The following CFAP58 variants were observed in gnomAD, a reference collection of about 807,000 sequenced individuals.
CFAP58 encodes cilia- and flagella-associated protein 58.
Under a neutral mutation model 119.5 loss-of-function variants are expected in CFAP58, and 88 were observed. The observed-to-expected ratio is 0.74, with a 90% CI of 0.62 to 0.88. CFAP58 has a LOEUF of 0.88. Among genes scored for constraint, CFAP58 ranks in the 40% least tolerant of loss-of-function variants. CFAP58 has a pLI of 0.00. For missense variants in CFAP58, 990 were observed against 1,021.2 expected, an observed-to-expected ratio of 0.97 and a Z score of 0.42; for synonymous variants, 365 against 366.3, an observed-to-expected ratio of 1.00 and a Z score of 0.04.
intron 15 of CFAP58, among the ~76,000 whole-genome samples, chr10:104,424,060 T>TA (rs1319401822): frequency 2.0e-5 from 3 of 152,198 alleles, no homozygotes; most frequent in African/African-American, 7.2e-5. Flanking sequence ...CCTCTCCTTA[T>TA]AATGGCAGTG....
the CFAP58 span, among the ~76,000 whole-genome samples, chr10:104,339,755 G>A: frequency 1.3e-5 from 2 of 152,138 alleles, no homozygotes; most frequent in Admixed American, 6.5e-5. Context: ...CTTTCCTTAC[G>A]TAAGAGGTTA....
chr10:104,454,514 C>A lies in CFAP58; in HGVS notation c.2603C>A (p.Thr868Asn), dbSNP rs74741614. 16,476 of 1,613,214 alleles carry A rather than the reference C, an allele frequency of 0.01. 121 individuals carry two copies. Among genetic ancestry groups the A allele is most frequent in the Middle Eastern group, 0.025 (149 of 6,058 alleles). The change falls in exon 18 of 18, where the codon ACC becomes AAC. Residue 868 changes from threonine to asparagine, a missense_variant. Physicochemically the swap from Thr to Asn is moderately conservative, Grantham distance 65 (BLOSUM62 0). Transcript: ENST00000369704. ...FTGGGFPLRS[T>N]KMTF is the part of the protein sequence containing the mutation. ...GGGGGCGGATTTCCTCTCAGGTCAA[C>A]CAAAATGACGTTCTAACCTGAAGCT...
intron 7 of CFAP58, among the ~76,000 whole-genome samples, chr10:104,372,009 C>G (rs1310817278): frequency 6.6e-6 from 1 of 152,088 alleles, no homozygotes; most frequent in Non-Finnish European, 1.5e-5. Flanking sequence ...CAATCTAAAT[C>G]TCTGGATAGA....
chr10:104,442,515 G>A (rs959520967), intron 15 of CFAP58, among the ~76,000 whole-genome samples: 9 of 151,580 alleles, frequency 5.9e-5, no homozygotes, highest in South Asian at 4.2e-4. Context: ...TTGAACCCGC[G>A]AGGTGGAGGT....
intron 4 of CFAP58, 41 bp from the exon 5 acceptor site, chr10:104,365,772 AG>A (rs745880178): frequency 6.5e-7 from 1 of 1,549,136 alleles, no homozygotes. Context: ...TGCCATGGTC[AG>A]GGCTCATCTC....
At chr10:104,363,212 G>A (rs1443351150) in intron 3 of CFAP58, among the ~76,000 whole-genome samples, 1 of 152,124 alleles carries the variant, frequency 6.6e-6, no homozygotes, top group Non-Finnish European at 1.5e-5. Flanking sequence ...TTGTTGATGT[G>A]CTTCTCTACC....
In CFAP58 at chr10:104,360,938, T is replaced by C. The variant is rs148738321; in HGVS notation, c.292-1085T>C. 4.1e-3 allele frequency among the ~76,000 whole-genome samples: 618 copies of C among 152,280 alleles called. 4 individuals carry two copies. The highest frequency in any genetic ancestry group is 0.014 in the African/African-American group (588 of 41,544). On this transcript the variant is annotated intron_variant, in intron 2 of 17. Coordinates refer to ENST00000369704, the MANE Select transcript of CFAP58 (RefSeq NM_001008723.2). ...TGTCAATAGCACTGTGATGAACATA[T>C]GCATGCATCACACACTTTTAAATGA...
chr10:104,391,969 C>A (rs956786527), intron 9 of CFAP58, among the ~76,000 whole-genome samples: 35 of 151,998 alleles, frequency 2.3e-4, no homozygotes, highest in African/African-American at 8.5e-4. Context: ...AGAATTTCTT[C>A]TCTTTTTTTT....
intron 3 of CFAP58, among the ~76,000 whole-genome samples, chr10:104,363,414 C>T (rs928095957): frequency 1.3e-5 from 2 of 152,080 alleles, no homozygotes; most frequent in African/African-American, 4.8e-5. Flanking sequence ...ATGCATTGAT[C>T]CAACACTGAC....
At chr10:104,348,876 T>C (rs1012994582), upstream of CFAP58, among the ~76,000 whole-genome samples, 7 of 152,244 alleles carry the variant, frequency 4.6e-5, no homozygotes, top group Non-Finnish European at 8.8e-5. Context: ...CAGTTACTTA[T>C]ACAGCAGAGT....
chr10:104,403,687 CG>C (rs766167964), intron 13 of CFAP58, 41 bp from the exon 14 acceptor site: 2 of 1,334,358 alleles, frequency 1.5e-6, no homozygotes. Flanking sequence ...GATATTCAAA[CG>C]GGTGGATAAT....
chr10:104,453,914 A>G (rs2013235492), intron 17 of CFAP58, among the ~76,000 whole-genome samples: 2 of 152,106 alleles, frequency 1.3e-5, no homozygotes, highest in South Asian at 4.1e-4. Flanking sequence ...AACTATTTCT[A>G]GTAATAATGG....
At chr10:104,344,524 C>G in the CFAP58 span, among the ~76,000 whole-genome samples, 1 of 152,090 alleles carries the variant, frequency 6.6e-6, no homozygotes, top group Admixed American at 6.5e-5. Context: ...ACCATGTGGC[C>G]CGTGAAGCCC....
chr10:104,375,431 G>A (rs2133004433), intron 7 of CFAP58, among the ~76,000 whole-genome samples: 1 of 152,208 alleles, frequency 6.6e-6, no homozygotes, highest in South Asian at 2.1e-4. Context: ...AAAACAGCAA[G>A]TGGCCGGGTG....
chr10:104,454,373 T>C (rs755978543), intron 17 of CFAP58, 49 bp from the exon 18 acceptor site: 1 of 1,432,054 alleles, frequency 7.0e-7, no homozygotes, highest in South Asian at 1.1e-5. Flanking sequence ...ATGTCAAACT[T>C]AGACAAAAAG....
chr10:104,438,338 T>TG (rs1307275473), intron 15 of CFAP58, among the ~76,000 whole-genome samples: 2 of 131,380 alleles, frequency 1.5e-5, no homozygotes, highest in African/African-American at 6.5e-5. Flanking sequence ...TTTTTTGTTT[T>TG]TTGTTTTTTG....
intron 1 of CFAP58, among the ~76,000 whole-genome samples, chr10:104,358,088 CACAT>C (rs1263219200): frequency 6.8e-6 from 1 of 148,118 alleles, no homozygotes; most frequent in Non-Finnish European, 1.5e-5. Flanking sequence ...TATATATACA[CACAT>C]ATATATGTAC....
At chr10:104,366,225 TAA>T (rs1288675034) in intron 5 of CFAP58, among the ~76,000 whole-genome samples, 3 of 152,164 alleles carry the variant, frequency 2.0e-5, no homozygotes, top group Non-Finnish European at 4.4e-5. Context: ...AACAGGTTAA[TAA>T]GTTTCTTTTT....
intron 15 of CFAP58, among the ~76,000 whole-genome samples, chr10:104,416,310 A>C (rs1455002961): frequency 6.6e-6 from 1 of 152,176 alleles, no homozygotes; most frequent in African/African-American, 2.4e-5. Context: ...TTGCTTTAGG[A>C]AATTGTCACA....
Sources: gnomAD v4.1 joint callset for allele counts (sites outside exome capture counted in the v4.1 genomes callset) on GRCh38, gnomAD v4.1.1 for gene constraint, MANE v1.5 for transcripts, NCBI Gene and HGNC (gene_info 2026-07-23, HGNC 2026-07-21) for gene names.